Variants in DNAJB1 observed in about 807,000 individuals in gnomAD.
DNAJB1 encodes the protein dnaJ homolog subfamily B member 1.
DNAJB1 carries 14 observed loss-of-function variants against 24.0 expected under a neutral mutation model. That is an observed-to-expected ratio of 0.58 (90% CI 0.39 to 0.91). The LOEUF (loss-of-function observed/expected upper bound fraction) is 0.91. DNAJB1 is among the 40% of genes least tolerant of loss of function. DNAJB1 has a pLI of 0.00. For synonymous variants in DNAJB1, 262 were observed against 174.4 expected, an observed-to-expected ratio of 1.50 and a Z score of -3.96; for missense variants, 517 against 458.1, an observed-to-expected ratio of 1.13 and a Z score of -1.17.
At chr19:14,536,425 A>G (rs1224722219) in intron 1 of DNAJB1, among the ~76,000 whole-genome samples, 1 of 151,640 alleles carries the variant, frequency 6.6e-6, no homozygotes, top group East Asian at 1.9e-4. Flanking sequence ...GCCCACCACC[A>G]CGCCCGGCTA....
Position 14,518,297 on chromosome 19 carries a change from T to C in DNAJB1, c.53A>G (p.Glu18Gly). ...TLGLARGASD[E>G]EIKRAYRRQA... ...GCGGCGGTAGGCCCGCTTGATCTCCTCGTCCGACGCGCCGCGGGCCAGGCC... is the reference window on the plus strand; with the variant it reads ...GCGGCGGTAGGCCCGCTTGATCTCCCCGTCCGACGCGCCGCGGGCCAGGCC... The change falls in exon 1 of 3, where the codon GAG (glutamate) becomes GGG (glycine). Residue 18 changes from glutamate (E) to glycine (G), a missense_variant. By Grantham distance (98) the Glu-to-Gly change is moderately conservative. Coordinates refer to ENST00000254322, the MANE Select transcript of DNAJB1 (RefSeq NM_006145.3). 1 of 1,608,810 alleles carries C rather than the reference T, an allele frequency of 6.2e-7. No individual in the cohort carries two copies.
chr19:14,517,945 C>A, intron 1 of DNAJB1, 194 bp downstream of exon 1: 2 of 504,564 alleles, frequency 4.0e-6, no homozygotes, highest in Non-Finnish European at 6.5e-6. Context: ...TCTGGCCGAG[C>A]GGCTGGGCCA....
rs780405362 is a variant in DNAJB1 at position 14,518,127 on chromosome 19, G to A, written c.211+12C>T. ...AAAAGGCGGGGCCGCGCCCCTGGCC[G>A]CGAGCACACACCTTCCTCCCCGTAG... On this transcript the variant is annotated intron_variant, in intron 1 of 2. Coordinates refer to ENST00000254322, the MANE Select transcript of DNAJB1 (RefSeq NM_006145.3). The A allele has an allele frequency of 2.0e-6, 3 of 1,494,836 alleles. No individual in the cohort carries two copies. The highest frequency in any genetic ancestry group is 2.3e-5 in the Admixed American group (1 of 42,756). The allele number at this position is 1,494,836 out of a possible 1,614,324, so 92.6% of individuals were successfully genotyped here.
upstream of DNAJB1, among the ~76,000 whole-genome samples, chr19:14,518,619 C>A (rs112445661): frequency 1.3e-4 from 20 of 152,206 alleles, no homozygotes; most frequent in African/African-American, 4.8e-4. Context: ...CTCCCCGCGG[C>A]GCGCGCGCAC....
intron 1 of DNAJB1, among the ~76,000 whole-genome samples, chr19:14,541,434 A>G (rs548907864): frequency 2.5e-4 from 38 of 152,372 alleles, no homozygotes; most frequent in Non-Finnish European, 1.5e-5. Context: ...GGTTGTGGGC[A>G]GGTCCTGCTG....
intron 1 of DNAJB1, among the ~76,000 whole-genome samples, chr19:14,540,455 C>T (rs1599430111): frequency 6.6e-6 from 1 of 150,826 alleles, no homozygotes; most frequent in African/African-American, 2.4e-5. Flanking sequence ...TGCAGTGGTG[C>T]GATCTTGGCT....
chr19:14,518,930 T>C (rs905188974), upstream of DNAJB1, among the ~76,000 whole-genome samples: 4 of 152,164 alleles, frequency 2.6e-5, no homozygotes, highest in Admixed American at 6.5e-5. Context: ...ATCTACAACA[T>C]GGCAATAAGA....
chr19:14,539,523 C>G (rs978347729), intron 1 of DNAJB1, among the ~76,000 whole-genome samples: 1 of 152,146 alleles, frequency 6.6e-6, no homozygotes, highest in Admixed American at 6.5e-5. Flanking sequence ...CACCGAGCCA[C>G]AGGCAGAAGG....
At chr19:14,532,695 C>G (rs537002294), upstream of DNAJB1, among the ~76,000 whole-genome samples, 1 of 151,944 alleles carries the variant, frequency 6.6e-6, no homozygotes, top group Non-Finnish European at 1.5e-5. Flanking sequence ...CCCGGCCCAG[C>G]GGATTGCATA....
intron 1 of DNAJB1, among the ~76,000 whole-genome samples, chr19:14,539,670 G>GC (rs1249312031): frequency 2.0e-5 from 3 of 152,010 alleles, no homozygotes; most frequent in African/African-American, 7.3e-5. Context: ...CCACGTTCCT[G>GC]CCCTAAGCAC....
upstream of DNAJB1, chr19:14,529,326 G>A: frequency 2.4e-6 from 1 of 423,664 alleles, no homozygotes; most frequent in Non-Finnish European, 4.4e-6. Context: ...TTTCCACAGC[G>A]ACGCCATCAG....
upstream of DNAJB1, among the ~76,000 whole-genome samples, chr19:14,533,635 A>G (rs2072755714): frequency 6.6e-6 from 1 of 152,120 alleles, no homozygotes; most frequent in African/African-American, 2.4e-5. Context: ...TTATCATGGC[A>G]GTTGGGATCC....
At chr19:14,548,422 C>T (rs1455903892) in intron 1 of DNAJB1, among the ~76,000 whole-genome samples, 5 of 152,172 alleles carry the variant, frequency 3.3e-5, no homozygotes, top group African/African-American at 1.2e-4. Context: ...GTCCAAATGT[C>T]AGCACATCCC....
chr19:14,535,374 G>C (rs1465766711), intron 1 of DNAJB1, among the ~76,000 whole-genome samples: 1 of 150,476 alleles, frequency 6.6e-6, no homozygotes, highest in Non-Finnish European at 1.5e-5. Context: ...TGAGTGTGGT[G>C]GTGGGTACCT....
intron 1 of DNAJB1, among the ~76,000 whole-genome samples, chr19:14,535,463 C>A (rs1179293289): frequency 8.1e-6 from 1 of 122,748 alleles, no homozygotes; most frequent in Non-Finnish European, 1.6e-5. Context: ...GCCGAGATCG[C>A]GCCACTGCAC....
At position 14,517,051 on chromosome 19, in the gene DNAJB1, A is replaced by T; in HGVS notation, c.212-5T>A. The T allele has an allele frequency of 6.2e-7, 1 of 1,600,582 alleles. No homozygotes were observed. Among genetic ancestry groups the T allele is most frequent in the Non-Finnish European group, 8.5e-7 (1 of 1,173,266 alleles). On this transcript the variant is annotated splice_region_variant and splice_polypyrimidine_tract_variant and intron_variant, in intron 1 of 2. Coordinates refer to ENST00000254322, the MANE Select transcript of DNAJB1 (RefSeq NM_006145.3). ...TGGGGCCACTCCCCTTTAGGCCTGA[A>T]AAGCAGATTTAGAAGCAGTCAGATG...
intron 2 of DNAJB1, among the ~76,000 whole-genome samples, chr19:14,525,576 A>G (rs534162044): frequency 2.4e-4 from 36 of 152,350 alleles, no homozygotes; most frequent in Non-Finnish European, 4.6e-4. Flanking sequence ...AAAAGGCTGC[A>G]TGATTCCATT....
exon 1 of DNAJB1, among the ~76,000 whole-genome samples, chr19:14,560,156 C>T (rs751618512): frequency 6.6e-6 from 1 of 152,236 alleles, no homozygotes; most frequent in Non-Finnish European, 1.5e-5. Flanking sequence ...CCTCTCCCAG[C>T]AGCTAGCCGG....
At chr19:14,538,360 G>A (rs117959098) in intron 1 of DNAJB1, among the ~76,000 whole-genome samples, 2,072 of 152,072 alleles carry the variant, frequency 0.014, 39 homozygotes, top group Admixed American at 0.029. Context: ...CGACACCTGG[G>A]GGCCTGTGGG....
Sources: gnomAD v4.1 joint callset for allele counts (sites outside exome capture counted in the v4.1 genomes callset) on GRCh38, gnomAD v4.1.1 for gene constraint, MANE v1.5 for transcripts, NCBI Gene and HGNC (gene_info 2026-07-23, HGNC 2026-07-21) for gene names.